Variants in CLASRP observed in about 807,000 individuals in gnomAD.
The protein encoded by CLASRP is CLK4-associating serine/arginine rich protein.
In CLASRP, 52 loss-of-function variants were observed where a neutral mutation model predicts 99.9. That is an observed-to-expected ratio of 0.52 (90% CI 0.42 to 0.66). CLASRP has a LOEUF of 0.66. Among genes scored for constraint, CLASRP ranks in the 30% least tolerant of loss-of-function variants. The pLI, the probability that CLASRP is intolerant of heterozygous loss-of-function variation, is 0.00. For missense variants in CLASRP, 848 were observed against 999.2 expected (o/e 0.85, Z 2.04); for synonymous variants, 379 against 373.0 (o/e 1.02, Z -0.18).
intron 2 of CLASRP, among the ~76,000 whole-genome samples, chr19:45,042,896 C>T (rs1013855691): frequency 1.3e-5 from 2 of 152,142 alleles, no homozygotes; most frequent in Non-Finnish European, 2.9e-5. Context: ...GGATTACAGG[C>T]GTGAGCCACC....
At chr19:45,049,114 T>C (rs1971975686) in intron 2 of CLASRP, among the ~76,000 whole-genome samples, 1 of 152,206 alleles carries the variant, frequency 6.6e-6, no homozygotes, top group African/African-American at 2.4e-5. Flanking sequence ...AGAACCAGGC[T>C]CTGGACTCCT....
At chr19:45,053,044 T>G in intron 4 of CLASRP, 54 bp from the exon 5 acceptor site, 2 of 1,586,392 alleles carry the variant, frequency 1.3e-6, no homozygotes, top group Non-Finnish European at 1.7e-6. Context: ...CCTGCTGGCT[T>G]GGGGGGGGAT....
chr19:45,064,053 G>GCTCCCGCTCCCA lies in CLASRP; in HGVS notation c.952_953insGCTCCCACTCCC (p.Ser317_Pro318insArgSerHisSer). On this transcript the variant is annotated inframe_insertion, in exon 12 of 21. Coordinates refer to ENST00000221455, the MANE Select transcript of CLASRP (RefSeq NM_007056.3). Reference sequence around the variant, plus strand: ...AGCTCAGAGTCCCGCTCCCGCTCCCGCTCCCCGACCCCGGGCCGCGAGGAG... The same window carrying GCTCCCGCTCCCA: ...AGCTCAGAGTCCCGCTCCCGCTCCCGCTCCCGCTCCCACTCCCCGACCCCGGGCCGCGAGGAG... The GCTCCCGCTCCCA allele has an allele frequency of 6.2e-6, 10 of 1,612,680 alleles. No homozygotes were observed. The highest frequency in any genetic ancestry group is 8.5e-6 in the Non-Finnish European group (10 of 1,179,860).
intron 5 of CLASRP, among the ~76,000 whole-genome samples, chr19:45,054,649 G>T (rs1446832300): frequency 2.0e-5 from 3 of 152,308 alleles, no homozygotes; most frequent in African/African-American, 7.2e-5. Flanking sequence ...TTGATGGAAA[G>T]CTCCTAACTC....
chr19:45,062,743 G>A lies in CLASRP; in HGVS notation c.905+548G>A, dbSNP rs565679307. 7.2e-5 allele frequency among the ~76,000 whole-genome samples: 11 copies of A among 152,314 alleles called. No individual in the cohort carries two copies. In the East Asian group the frequency reaches 1.5e-3, roughly 21 times the overall value. On this transcript the variant is annotated intron_variant, in intron 11 of 20. Transcript: ENST00000221455. ...ATTTTTCTGATTTAAATACAGTGCAGCCTTGTGGTAAAAATGACCAAATAT... is the reference window on the plus strand; with the variant it reads ...ATTTTTCTGATTTAAATACAGTGCAACCTTGTGGTAAAAATGACCAAATAT...
chr19:45,047,177 CA>C (rs1340805826), intron 2 of CLASRP, among the ~76,000 whole-genome samples: 2 of 151,998 alleles, frequency 1.3e-5, no homozygotes, highest in African/African-American at 4.8e-5. Flanking sequence ...ACACATAACG[CA>C]ATATTATTCA....
At chr19:45,057,564 G>T (rs1207530617) in intron 6 of CLASRP, among the ~76,000 whole-genome samples, 186 bp from the exon 7 acceptor site, 4 of 152,180 alleles carry the variant, frequency 2.6e-5, no homozygotes, top group African/African-American at 9.7e-5. Context: ...TTCTTGGCAG[G>T]TGGGGCCCTA....
intron 1 of CLASRP, chr19:45,039,948 T>G: frequency 6.0e-6 from 2 of 332,194 alleles, no homozygotes; most frequent in Non-Finnish European, 1.2e-5. Flanking sequence ...CCTTTCCCAG[T>G]GATGCTCACC....
At chr19:45,059,523 C>T (rs1966891983) in intron 8 of CLASRP, among the ~76,000 whole-genome samples, 159 bp downstream of exon 8, 1 of 152,178 alleles carries the variant, frequency 6.6e-6, no homozygotes, top group Non-Finnish European at 1.5e-5. Context: ...CTATGGTGGT[C>T]GTGGCCCCAC....
chr19:45,068,216 C>T, intron 15 of CLASRP, 162 bp downstream of exon 15: 2 of 687,622 alleles, frequency 2.9e-6, no homozygotes, highest in Non-Finnish European at 5.3e-6. Flanking sequence ...CCATGTCCCT[C>T]TCCCCTCCTC....
intron 13 of CLASRP, 72 bp downstream of exon 13, chr19:45,064,702 C>T (rs1967042773): frequency 1.4e-6 from 2 of 1,466,814 alleles, no homozygotes; most frequent in South Asian, 1.4e-5. Context: ...AGAAGGTGCT[C>T]AGAGGGAGGA....
intron 13 of CLASRP, among the ~76,000 whole-genome samples, chr19:45,065,375 T>G (rs1600113591): frequency 8.6e-5 from 10 of 116,290 alleles, no homozygotes; most frequent in African/African-American, 1.7e-4. Context: ...GGTGACAGAG[T>G]GAGATTCCGT....
At chr19:45,052,033 CTG>C in intron 2 of CLASRP, 36 bp from the exon 3 acceptor site, 1 of 1,551,982 alleles carries the variant, frequency 6.4e-7, no homozygotes, top group Non-Finnish European at 8.9e-7. Context: ...GTTTGGAGCT[CTG>C]TTGGGTGGTG....
intron 2 of CLASRP, among the ~76,000 whole-genome samples, chr19:45,045,396 G>T (rs1600094779): frequency 1.3e-5 from 2 of 152,210 alleles, no homozygotes; most frequent in South Asian, 2.1e-4. Context: ...GTGCATCTGT[G>T]GTCCCAGCTC....
chr19:45,048,983 T>G (rs1453002522), intron 2 of CLASRP, among the ~76,000 whole-genome samples: 2 of 152,024 alleles, frequency 1.3e-5, no homozygotes, highest in Non-Finnish European at 2.9e-5. Flanking sequence ...GAGACTCTGT[T>G]TCAAAAAAAG....
intron 11 of CLASRP, among the ~76,000 whole-genome samples, chr19:45,063,546 A>G (rs992370680): frequency 2.0e-5 from 3 of 147,400 alleles, no homozygotes; most frequent in Admixed American, 7.0e-5. Flanking sequence ...CCCAGGTTCA[A>G]GCAGTTCTCG....
intron 2 of CLASRP, among the ~76,000 whole-genome samples, chr19:45,045,902 A>C (rs1421725593): frequency 6.6e-6 from 1 of 152,168 alleles, no homozygotes; most frequent in East Asian, 1.9e-4. Flanking sequence ...GGAAGGCTGG[A>C]GCTGAGACTC....
intron 2 of CLASRP, among the ~76,000 whole-genome samples, chr19:45,049,035 T>C (rs1971974503): frequency 6.6e-6 from 1 of 152,044 alleles, no homozygotes; most frequent in Non-Finnish European, 1.5e-5. Context: ...GACATTCGAG[T>C]GAGACAGTGC....
chr19:45,069,028 A>G, intron 16 of CLASRP, 38 bp from the exon 17 acceptor site: 1 of 1,583,952 alleles, frequency 6.3e-7, no homozygotes, highest in Non-Finnish European at 8.7e-7. Flanking sequence ...GGGGCTCTTA[A>G]GGGAACCCCT....
Sources: gnomAD v4.1 joint callset for allele counts (sites outside exome capture counted in the v4.1 genomes callset) on GRCh38, gnomAD v4.1.1 for gene constraint, MANE v1.5 for transcripts, NCBI Gene and HGNC (gene_info 2026-07-23, HGNC 2026-07-21) for gene names.